GDF1: variants seen among roughly 807,000 people sequenced by gnomAD.
GDF1 encodes growth differentiation factor 1.
In GDF1, 8 loss-of-function variants were observed where a neutral mutation model predicts 7.4. The ratio of observed to expected loss-of-function variants is 1.09; its 90% CI spans 0.64 to 1.96. GDF1 has a LOEUF of 1.96. Among genes scored for constraint, GDF1 ranks in the 30% most tolerant of loss-of-function variants. The pLI is 0.00. For missense variants in GDF1, 574 were observed against 551.5 expected, an observed-to-expected ratio of 1.04 and a Z score of -0.41; for synonymous variants, 311 against 276.7, an observed-to-expected ratio of 1.12 and a Z score of -1.23.
intron 6 of GDF1, among the ~76,000 whole-genome samples, chr19:18,875,653 C>T (rs1325155077): frequency 2.6e-5 from 4 of 152,162 alleles, no homozygotes; most frequent in Non-Finnish European, 5.9e-5. Flanking sequence ...GCTCCAACCT[C>T]GGCCTTTGTG....
chr19:18,878,913 G>A lies in GDF1; in HGVS notation c.-313+17C>T. The A allele has an allele frequency of 6.2e-7, 1 of 1,612,738 alleles. No individual in the cohort carries two copies. Among genetic ancestry groups the A allele is most frequent in the African/African-American group, 1.3e-5 (1 of 75,022 alleles). On this transcript the variant is annotated intron_variant, in intron 6 of 7. Coordinates refer to ENST00000247005, the MANE Select transcript of GDF1 (RefSeq NM_001492.6). The surrounding 1 kb of genome is among the most constrained non-coding windows in gnomAD (Gnocchi z 4.6). The stretch of plus-strand genomic sequence containing the variant: ...ACTAAAGGAGGGAACGCGGGGTGCG[G>A]GCCCCTCCACACTCACTCGGCTTTG...
intron 6 of GDF1, among the ~76,000 whole-genome samples, chr19:18,876,831 G>A (rs1210394679): frequency 6.6e-6 from 1 of 152,182 alleles, no homozygotes; most frequent in Non-Finnish European, 1.5e-5. Flanking sequence ...ACCGACATTG[G>A]TGCTTTGCTA....
chr19:18,881,912 C>G (rs546004877), intron 3 of GDF1: 3 of 152,228 alleles, frequency 2.0e-5, no homozygotes, highest in Non-Finnish European at 4.4e-5. Context: ...CGGGTTCAAG[C>G]GATTCTCCCA....
chr19:18,870,408 G>T lies in GDF1; in HGVS notation c.-101C>A. The T allele has an allele frequency of 7.5e-7, 1 of 1,327,860 alleles. No individual in the cohort carries two copies. Among genetic ancestry groups the T allele is most frequent in the Non-Finnish European group, 1.0e-6 (1 of 963,492 alleles). 82.3% of individuals were successfully genotyped at this position (1,327,860 alleles called of 1,614,324 possible). Reference sequence around the variant, plus strand: ...GTGTCCCCGGAGGGGCAGGGGTCCTGGGGGGCGTGGCCGGGAACTGGAGGC... The same window carrying T: ...GTGTCCCCGGAGGGGCAGGGGTCCTTGGGGGCGTGGCCGGGAACTGGAGGC... On this transcript the variant is annotated 5_prime_UTR_variant, in exon 7 of 8. Transcript: ENST00000247005. This position sits in a 1 kb window ranked among gnomAD's most constrained non-coding sequence, Gnocchi z 5.1.
chr19:18,868,618 C>T lies in GDF1; in HGVS notation c.1098G>A (p.Val366=), dbSNP rs1568289154. Residue 366 remains valine, a synonymous_variant, in exon 8 of 8, where the codon GTG becomes GTA. Coordinates refer to ENST00000247005, the MANE Select transcript of GDF1 (RefSeq NM_001492.6). The part of the protein sequence containing the change: ...VVLRQYEDMV[V]DECGCR ...CGGGTTAGCGGCAGCCGCACTCGTC[C>T]ACCACCATGTCCTCATACTGCCGCA... is the stretch of plus-strand genomic sequence containing the variant. 6.4e-7 allele frequency: 1 copy of T among 1,567,380 alleles called. No homozygotes were observed. Among genetic ancestry groups the T allele is most frequent in the Non-Finnish European group, 8.6e-7 (1 of 1,156,230 alleles).
Position 18,893,548 on chromosome 19 carries a change from G to A in GDF1, c.-1046C>T, listed in dbSNP as rs1228538597. 1 of 1,610,342 alleles carries A rather than the reference G, an allele frequency of 6.2e-7. No homozygotes were observed. The highest frequency in any genetic ancestry group is 8.5e-7 in the Non-Finnish European group (1 of 1,178,774). On this transcript the variant is annotated 5_prime_UTR_variant, in exon 2 of 8. Coordinates refer to ENST00000247005, the MANE Select transcript of GDF1 (RefSeq NM_001492.6). ...TCGGGCATCTTGGCGGCATCTCTGG[G>A]CTGGAGGCAGCACCGCTTCGCCAGG...
intron 2 of GDF1, among the ~76,000 whole-genome samples, chr19:18,893,197 G>A (rs770882172): frequency 6.6e-6 from 1 of 151,562 alleles, no homozygotes; most frequent in Non-Finnish European, 1.5e-5. Flanking sequence ...ACAGGCGTGA[G>A]CCACTGCGCC....
At position 18,870,188 on chromosome 19, in the gene GDF1, G is replaced by A. The variant is rs1555702693; in HGVS notation, c.120C>T (p.Leu40=). The A allele has an allele frequency of 6.4e-7, 1 of 1,563,636 alleles. No individual in the cohort carries two copies. The highest frequency in any genetic ancestry group is 1.2e-5 in the South Asian group (1 of 85,254). Reference sequence around the variant, plus strand: ...GCTCATCGCGCAGTCCTAGAGCCTGGAGCAGGGCGGCGGCTGGGCCTGGGG... The same window carrying A: ...GCTCATCGCGCAGTCCTAGAGCCTGAAGCAGGGCGGCGGCTGGGCCTGGGG... ...PVPPGPAAAL[L]QALGLRDEPQ... Residue 40 remains leucine (L), a synonymous_variant, in exon 7 of 8, where the codon CTC becomes CTT. Transcript: ENST00000247005. The surrounding 1 kb of genome is among the most constrained non-coding windows in gnomAD (Gnocchi z 5.1).
Position 18,878,956 on chromosome 19 carries a change from G to C in GDF1, c.-339C>G. 6.2e-7 allele frequency: 1 copy of C among 1,613,720 alleles called. No individual in the cohort carries two copies. Among genetic ancestry groups the C allele is most frequent in the Non-Finnish European group, 8.5e-7 (1 of 1,179,846 alleles). The stretch of plus-strand genomic sequence containing the variant: ...CGGCTTTGCTGGGCTTCAGGCTCTG[G>C]GCCTCGGCTGTGTCATACTCCCGCA... On this transcript the variant is annotated 5_prime_UTR_variant, in exon 6 of 8. Coordinates refer to ENST00000247005, the MANE Select transcript of GDF1 (RefSeq NM_001492.6). The surrounding 1 kb of genome is among the most constrained non-coding windows in gnomAD (Gnocchi z 4.6).
chr19:18,893,980 T>C (rs908174119), intron 1 of GDF1, among the ~76,000 whole-genome samples: 15 of 150,902 alleles, frequency 9.9e-5, no homozygotes, highest in Admixed American at 6.6e-4. Context: ...GAGAGCCCCA[T>C]GGGACCGACA....
chr19:18,895,318 G>A lies in GDF1; in HGVS notation c.-1074+506C>T, dbSNP rs543863855. ...GAAAACGGGCAGCGGACCTCGCTCC[G>A]GGCCGGGGCGCAGCCCGCATGGCAG... On this transcript the variant is annotated intron_variant, in intron 1 of 7. Transcript: ENST00000247005. This position sits in a 1 kb window ranked among gnomAD's most constrained non-coding sequence, Gnocchi z 6.4. Among the ~76,000 whole-genome samples the A allele has an allele frequency of 6.6e-6, 1 of 152,326 alleles. No individual in the cohort carries two copies. The highest frequency in any genetic ancestry group is 2.1e-4 in the South Asian group (1 of 4,830).
chr19:18,878,635 A>G lies in GDF1; in HGVS notation c.-313+295T>C. 8.2e-7 allele frequency: 1 copy of G among 1,214,762 alleles called. No homozygotes were observed. The allele number at this position is 1,214,762 out of a possible 1,614,324, so 75.2% of individuals were successfully genotyped here. A position where few individuals can be genotyped will look rare whatever the true frequency, so the allele number is the denominator to read the frequency against. On this transcript the variant is annotated intron_variant, in intron 6 of 7. Transcript: ENST00000247005. The surrounding 1 kb of genome is among the most constrained non-coding windows in gnomAD (Gnocchi z 4.6). ...ACCACCCACAGGGCCCTGGCTCGCC[A>G]CTCCCGCCACACCAGCCACTAGGCC...
At position 18,878,476 on chromosome 19, in the gene GDF1, A is replaced by C; in HGVS notation, c.-313+454T>G. On this transcript the variant is annotated intron_variant, in intron 6 of 7. Transcript: ENST00000247005. This position sits in a 1 kb window ranked among gnomAD's most constrained non-coding sequence, Gnocchi z 4.6. ...TCCCCTGTCAAACTCAGAGGCCAGG[A>C]TGTCTCGGCCCAGATGGAGCCTGGG... is the stretch of plus-strand genomic sequence containing the variant. The C allele has an allele frequency of 1.0e-6, 1 of 993,250 alleles. No homozygotes were observed. The highest frequency in any genetic ancestry group is 1.2e-6 in the Non-Finnish European group (1 of 834,332). 61.5% of individuals were successfully genotyped at this position (993,250 alleles called of 1,614,324 possible).
Position 18,868,810 on chromosome 19 carries a change from C to A in GDF1, c.906G>T (p.Leu302=). 1 of 1,458,412 alleles carries A rather than the reference C, an allele frequency of 6.9e-7. No individual in the cohort carries two copies. Among genetic ancestry groups the A allele is most frequent in the Non-Finnish European group, 9.1e-7 (1 of 1,095,110 alleles). The allele number at this position is 1,458,412 out of a possible 1,614,324, so 90.3% of individuals were successfully genotyped here. A position where few individuals can be genotyped will look rare whatever the true frequency, so the allele number is the denominator to read the frequency against. ...LANYCQGQCA[L]PVALSGSGGP... ...CCCCGGACCCCGACAGCGCGACGGG[C>A]AGCGCGCACTGACCCTGGCAGTAGT... Residue 302 remains leucine, a synonymous_variant, in exon 8 of 8, where the codon CTG becomes CTT. Transcript: ENST00000247005.
Position 18,870,652 on chromosome 19 carries a change from G to GAGCCCCACGCGGCCGCCTGGC in GDF1, c.-312-54_-312-34dup. 1.9e-6 allele frequency: 1 copy of GAGCCCCACGCGGCCGCCTGGC among 527,792 alleles called. No individual in the cohort carries two copies. Among genetic ancestry groups the GAGCCCCACGCGGCCGCCTGGC allele is most frequent in the Non-Finnish European group, 3.4e-6 (1 of 291,548 alleles). The allele number at this position is 527,792 out of a possible 1,614,324, so 32.7% of individuals were successfully genotyped here. A position where few individuals can be genotyped will look rare whatever the true frequency, so the allele number is the denominator to read the frequency against. On this transcript the variant is annotated intron_variant, in intron 6 of 7. Coordinates refer to ENST00000247005, the MANE Select transcript of GDF1 (RefSeq NM_001492.6). The surrounding 1 kb of genome is among the most constrained non-coding windows in gnomAD (Gnocchi z 5.1). Reference sequence around the variant, plus strand: ...TCAGAACCGGCGCAGGTTAGCCTGGGAGCCCCACGCGGCCGCCTGGCCCTC... The same window carrying GAGCCCCACGCGGCCGCCTGGC: ...TCAGAACCGGCGCAGGTTAGCCTGGGAGCCCCACGCGGCCGCCTGGCAGCCCCACGCGGCCGCCTGGCCCTC...
intron 6 of GDF1, among the ~76,000 whole-genome samples, chr19:18,875,660 TG>T (rs1431625565): frequency 1.3e-5 from 2 of 152,330 alleles, no homozygotes; most frequent in Admixed American, 1.3e-4. Context: ...CCTCGGCCTT[TG>T]TGGCCACGTT....
At chr19:18,883,807 G>C (rs571092748) in intron 3 of GDF1, among the ~76,000 whole-genome samples, 60 of 152,300 alleles carry the variant, frequency 3.9e-4, no homozygotes, top group Non-Finnish European at 7.8e-4. Context: ...TGAAGAGCTG[G>C]GTGGGTGAGT....
chr19:18,885,517 T>TGTTTTTTG lies in GDF1; in HGVS notation c.-913-1251_-913-1250insCAAAAAAC, dbSNP rs143416454. 4.4e-5 allele frequency among the ~76,000 whole-genome samples: 6 copies of TGTTTTTTG among 137,542 alleles called. 3 individuals carry two copies. 90.2% of individuals were successfully genotyped at this position (137,542 alleles called of 152,430 possible). A position where few individuals can be genotyped will look rare whatever the true frequency, so the allele number is the denominator to read the frequency against. ...CAGCCCAGCGCCCCTTCTCGTTTTT[T>TGTTTTTTG]TTTTTTTTTTTTTTTTTTTTGAGAT... On this transcript the variant is annotated intron_variant, in intron 2 of 7. Transcript: ENST00000247005.
intron 2 of GDF1, among the ~76,000 whole-genome samples, chr19:18,890,558 G>C (rs1310866191): frequency 6.6e-6 from 1 of 151,410 alleles, no homozygotes; most frequent in Non-Finnish European, 1.5e-5. Context: ...TGGGAGGACT[G>C]CTTGAGGCCA....
Sources: gnomAD v4.1 joint callset for allele counts (sites outside exome capture counted in the v4.1 genomes callset) on GRCh38, gnomAD v4.1.1 for gene constraint, Gnocchi (gnomAD v3.1) non-coding constraint, MANE v1.5 for transcripts, NCBI Gene and HGNC (gene_info 2026-07-23, HGNC 2026-07-21) for gene names.